RLN2: variants seen among roughly 807,000 people sequenced by gnomAD.
The protein encoded by RLN2 is prorelaxin H2.
RLN2 carries 10 observed loss-of-function variants against 7.3 expected under a neutral mutation model. The ratio of observed to expected loss-of-function variants is 1.36; its 90% CI spans 0.84 to 2.31. RLN2 has a LOEUF of 2.31. Among genes scored for constraint, RLN2 ranks in the 30% most tolerant of loss-of-function variants. RLN2 has a pLI of 0.00. For synonymous variants in RLN2, 103 were observed against 82.3 expected, an observed-to-expected ratio of 1.25 and a Z score of -1.36; for missense variants, 298 against 217.6, an observed-to-expected ratio of 1.37 and a Z score of -2.32.
At chr9:5,335,383 GTCTGCGGCTT>G in the RLN2 span, 5 of 1,613,584 alleles carry the variant, frequency 3.1e-6, no homozygotes, top group South Asian at 4.4e-5. Context: ...AAGGATTGCT[GTCTGCGGCTT>G]CACTTTGCCT....
the RLN2 span, among the ~76,000 whole-genome samples, chr9:5,326,113 G>T: frequency 1.3e-5 from 2 of 152,028 alleles, no homozygotes; most frequent in African/African-American, 2.4e-5. Flanking sequence ...TAGAAACCTT[G>T]TTACAGTTTA....
chr9:5,316,911 G>A, the RLN2 span, among the ~76,000 whole-genome samples: 10 of 151,986 alleles, frequency 6.6e-5, no homozygotes, highest in African/African-American at 1.9e-4. Context: ...AATACATAAT[G>A]TAAAAATATG....
At chr9:5,316,300 C>T in the RLN2 span, among the ~76,000 whole-genome samples, 1 of 151,570 alleles carries the variant, frequency 6.6e-6, no homozygotes, top group Admixed American at 6.6e-5. Context: ...GTTTTCCTTT[C>T]ACTGATTTCT....
the RLN2 span, among the ~76,000 whole-genome samples, chr9:5,314,275 T>C: frequency 2.3e-4 from 35 of 152,022 alleles, 1 homozygote; most frequent in Admixed American, 2.3e-3. Flanking sequence ...CCCAAATTGT[T>C]GCGCACCATC....
chr9:5,307,577 G>A (rs1290835154), upstream of RLN2, among the ~76,000 whole-genome samples: 4 of 152,024 alleles, frequency 2.6e-5, no homozygotes, highest in Non-Finnish European at 5.9e-5. Flanking sequence ...CACGGATTTT[G>A]TGGAGGACAG....
the RLN2 span, among the ~76,000 whole-genome samples, chr9:5,320,247 A>G: frequency 6.6e-6 from 1 of 151,656 alleles, no homozygotes; most frequent in East Asian, 1.9e-4. Context: ...CGGCCTCCCA[A>G]TGTGCTGGGA....
the RLN2 span, among the ~76,000 whole-genome samples, chr9:5,310,231 T>C: frequency 1.1e-3 from 166 of 152,168 alleles, 3 homozygotes; most frequent in Admixed American, 2.0e-3. Context: ...TATTTAGTTC[T>C]GGTCTTTAGG....
the RLN2 span, chr9:5,334,967 T>G: frequency 3.5e-6 from 1 of 283,166 alleles, no homozygotes; most frequent in Non-Finnish European, 6.5e-6. Flanking sequence ...TTATGTATGG[T>G]TAAAGTGGCA....
the RLN2 span, among the ~76,000 whole-genome samples, chr9:5,332,319 G>C: frequency 3.3e-5 from 5 of 151,914 alleles, 1 homozygote; most frequent in African/African-American, 1.2e-4. Context: ...TCTATATGAA[G>C]TGCATGTATT....
intron 1 of RLN2, among the ~76,000 whole-genome samples, chr9:5,301,751 T>G (rs1425153847): frequency 6.6e-6 from 1 of 152,160 alleles, no homozygotes; most frequent in Non-Finnish European, 1.5e-5. Context: ...GGGCTGATCA[T>G]TTCCTGAGTT....
chr9:5,313,318 A>T, the RLN2 span, among the ~76,000 whole-genome samples: 1 of 152,060 alleles, frequency 6.6e-6, no homozygotes, highest in Non-Finnish European at 1.5e-5. Context: ...ATCTCATTAT[A>T]TAATGACCTT....
chr9:5,330,225 A>G, the RLN2 span, among the ~76,000 whole-genome samples: 3 of 152,132 alleles, frequency 2.0e-5, no homozygotes, highest in Non-Finnish European at 4.4e-5. Context: ...GAACAAAGAC[A>G]CAATGTACCA....
the RLN2 span, chr9:5,339,313 T>C: frequency 7.0e-6 from 3 of 429,898 alleles, no homozygotes; most frequent in South Asian, 6.6e-5. Flanking sequence ...TTCTCAGTGC[T>C]TTCCCTCCGT....
the RLN2 span, among the ~76,000 whole-genome samples, chr9:5,328,176 C>G: frequency 6.6e-6 from 1 of 151,910 alleles, no homozygotes; most frequent in Admixed American, 6.6e-5. Context: ...AAAAGTTAGA[C>G]GAATGGCTAA....
At chr9:5,315,936 C>A in the RLN2 span, among the ~76,000 whole-genome samples, 1 of 152,096 alleles carries the variant, frequency 6.6e-6, no homozygotes. Flanking sequence ...ACCTGCCTTA[C>A]AAGAAATGCT....
the RLN2 span, among the ~76,000 whole-genome samples, chr9:5,319,440 T>A: frequency 2.6e-5 from 4 of 151,998 alleles, no homozygotes; most frequent in Admixed American, 2.6e-4. Flanking sequence ...GGATTTTTTA[T>A]GAGAAGTTTT....
At chr9:5,332,958 T>C in the RLN2 span, among the ~76,000 whole-genome samples, 1 of 152,002 alleles carries the variant, frequency 6.6e-6, no homozygotes, top group Non-Finnish European at 1.5e-5. Flanking sequence ...AAGTGATTCA[T>C]ACATCACAGT....
chr9:5,327,816 G>A, the RLN2 span, among the ~76,000 whole-genome samples: 1 of 152,060 alleles, frequency 6.6e-6, no homozygotes, highest in Non-Finnish European at 1.5e-5. Flanking sequence ...CTGCAGCTGA[G>A]GGGTCTGACT....
chr9:5,318,768 A>G, the RLN2 span, among the ~76,000 whole-genome samples: 1 of 151,922 alleles, frequency 6.6e-6, no homozygotes, highest in Non-Finnish European at 1.5e-5. Context: ...ATAAGCTGGG[A>G]ACAGGATCAG....
Sources: gnomAD v4.1 joint callset for allele counts (sites outside exome capture counted in the v4.1 genomes callset) on GRCh38, gnomAD v4.1.1 for gene constraint, MANE v1.5 for transcripts, NCBI Gene and HGNC (gene_info 2026-07-23, HGNC 2026-07-21) for gene names.